PHC2: variants seen among roughly 807,000 people sequenced by gnomAD.
The protein encoded by PHC2 is polyhomeotic-like protein 2.
Under a neutral mutation model 87.4 loss-of-function variants are expected in PHC2, and 29 were observed. The ratio of observed to expected loss-of-function variants is 0.33; its 90% CI spans 0.25 to 0.45. The LOEUF is 0.45. Ranked by LOEUF, PHC2 falls within the 20% of genes least tolerant of loss-of-function variation. The pLI, the probability that PHC2 is intolerant of heterozygous loss-of-function variation, is 1.00. For synonymous variants in PHC2, 438 were observed against 461.7 expected (o/e 0.95, Z 0.66); for missense variants, 857 against 1,136.7 (o/e 0.75, Z 3.54).
At chr1:33,411,395 G>C (rs981464912) in intron 1 of PHC2, among the ~76,000 whole-genome samples, 4 of 150,808 alleles carry the variant, frequency 2.7e-5, no homozygotes, top group Non-Finnish European at 1.5e-5. Context: ...ACTACCTTAA[G>C]ATACTGCTAG....
At chr1:33,418,268 T>C in intron 1 of PHC2, among the ~76,000 whole-genome samples, 1 of 151,532 alleles carries the variant, frequency 6.6e-6, no homozygotes, top group Non-Finnish European at 1.5e-5. Flanking sequence ...GAGAGAAAAT[T>C]GATGAAATGA....
intron 1 of PHC2, among the ~76,000 whole-genome samples, chr1:33,388,972 T>C (rs1394665037): frequency 6.6e-6 from 1 of 151,856 alleles, no homozygotes; most frequent in Non-Finnish European, 1.5e-5. Flanking sequence ...CTTACAATTT[T>C]TGACTACACT....
At chr1:33,405,598 T>C (rs1294162498) in intron 1 of PHC2, among the ~76,000 whole-genome samples, 1 of 152,240 alleles carries the variant, frequency 6.6e-6, no homozygotes, top group African/African-American at 2.4e-5. Flanking sequence ...ATTTCTTTCC[T>C]TCTACCTTCT....
intron 1 of PHC2, among the ~76,000 whole-genome samples, chr1:33,400,175 T>A (rs896219363): frequency 1.3e-5 from 2 of 152,236 alleles, no homozygotes; most frequent in Non-Finnish European, 2.9e-5. Flanking sequence ...AATATACTTC[T>A]TATACAATTG....
intron 7 of PHC2, among the ~76,000 whole-genome samples, chr1:33,365,862 C>A (rs955357459): frequency 7.1e-6 from 1 of 140,174 alleles, no homozygotes; most frequent in African/African-American, 3.2e-5. Flanking sequence ...TGCCTGGGAA[C>A]CTTCCCCACT....
Position 33,368,548 on chromosome 1 carries a change from G to C in PHC2, c.651C>G (p.Pro217=), listed in dbSNP as rs773234689. ...ATGGAGTCCTCACCTGGGCGGGGGTGGGGGGCCGGGCGGGGGAGCCAGTGC... is the reference window on the plus strand; with the variant it reads ...ATGGAGTCCTCACCTGGGCGGGGGTCGGGGGCCGGGCGGGGGAGCCAGTGC... ...ELGTGSPARP[P]TPAQVQNLTL... is the part of the protein sequence containing the mutation. Residue 217 remains proline, a synonymous_variant, in exon 6 of 15, where the codon CCC becomes CCG. Transcript: ENST00000683057. The surrounding 1 kb of genome is among the most constrained non-coding windows in gnomAD (Gnocchi z 6.6). 8 of 1,532,930 alleles carry C rather than the reference G, an allele frequency of 5.2e-6. No homozygotes were observed. The Admixed American group carries it at 7.9e-5, about 15-fold the overall frequency. 95.0% of individuals were successfully genotyped at this position (1,532,930 alleles called of 1,614,324 possible). A position where few individuals can be genotyped will look rare whatever the true frequency, so the allele number is the denominator to read the frequency against.
chr1:33,386,214 C>T (rs929174726), intron 1 of PHC2, among the ~76,000 whole-genome samples: 3 of 151,730 alleles, frequency 2.0e-5, no homozygotes, highest in African/African-American at 7.3e-5. Context: ...ACGAAAAAGA[C>T]TGCTATAAAA....
In PHC2 at chr1:33,334,510, G is replaced by A. The variant is rs577328962; in HGVS notation, c.1559-218C>T. Among the ~76,000 whole-genome samples the A allele has an allele frequency of 6.6e-6, 1 of 152,218 alleles. No homozygotes were observed. The highest frequency in any genetic ancestry group is 2.4e-5 in the African/African-American group (1 of 41,448). On this transcript the variant is annotated intron_variant, in intron 9 of 14. Transcript: ENST00000683057. The surrounding 1 kb of genome is among the most constrained non-coding windows in gnomAD (Gnocchi z 5.5). ...TGAGTATAGTCAGTTCCACAACAAC[G>A]CATGCAGCTAATCAGCTAGCAGTGT...
At chr1:33,365,208 G>A (rs143491934) in intron 7 of PHC2, among the ~76,000 whole-genome samples, 29 of 152,256 alleles carry the variant, frequency 1.9e-4, no homozygotes, top group Admixed American at 6.5e-4. Flanking sequence ...GACAGCTACC[G>A]GACAGGGATC....
At chr1:33,338,295 A>C (rs925548444) in intron 9 of PHC2, among the ~76,000 whole-genome samples, 1 of 152,232 alleles carries the variant, frequency 6.6e-6, no homozygotes, top group African/African-American at 2.4e-5. Flanking sequence ...TTGTTTTTTA[A>C]AAAAGATCTT....
chr1:33,325,103 T>G, intron 14 of PHC2, 84 bp from the exon 15 acceptor site: 1 of 1,233,856 alleles, frequency 8.1e-7, no homozygotes, highest in South Asian at 1.5e-5. Flanking sequence ...TATCTAGATC[T>G]AGTTATCTGC....
At chr1:33,377,443 A>G (rs1648243235) in intron 1 of PHC2, among the ~76,000 whole-genome samples, 1 of 152,054 alleles carries the variant, frequency 6.6e-6, no homozygotes, top group South Asian at 2.1e-4. Context: ...TGGAAATTCT[A>G]CCTTCCCTTG....
At chr1:33,425,297 AT>A (rs1437291804) in intron 1 of PHC2, among the ~76,000 whole-genome samples, 1 of 152,232 alleles carries the variant, frequency 6.6e-6, no homozygotes, top group East Asian at 1.9e-4. Flanking sequence ...GTTTCTTTAC[AT>A]TTAACCTTCA....
chr1:33,370,679 T>C, intron 4 of PHC2, 94 bp from the exon 5 acceptor site: 1 of 1,287,854 alleles, frequency 7.8e-7, no homozygotes, highest in Admixed American at 2.2e-5. Context: ...CTTTTGCTCC[T>C]TGGTTTATTC....
intron 14 of PHC2, among the ~76,000 whole-genome samples, chr1:33,327,067 G>A (rs1211382917): frequency 1.3e-5 from 2 of 152,208 alleles, no homozygotes; most frequent in Admixed American, 6.5e-5. Context: ...AGAACTCAGA[G>A]GGCAGAACCA....
chr1:33,388,473 G>A (rs549943962), intron 1 of PHC2, among the ~76,000 whole-genome samples: 49 of 151,582 alleles, frequency 3.2e-4, no homozygotes, highest in Non-Finnish European at 6.5e-4. Flanking sequence ...ACAGGCATGC[G>A]CCACCACGCC....
In PHC2 at chr1:33,328,901, T is replaced by A; in HGVS notation, c.2394A>T (p.Glu798Asp). The A allele has an allele frequency of 6.2e-7, 1 of 1,613,190 alleles. No individual in the cohort carries two copies. The highest frequency in any genetic ancestry group is 8.5e-7 in the Non-Finnish European group (1 of 1,179,216). Residue 798 changes from glutamate (E) to aspartate (D), a missense_variant, in exon 14 of 15, where the codon GAA (glutamate) becomes GAT (aspartate). Around this residue, in one of 3 missense-constraint regions of PHC2, gnomAD observed 832 missense variants for 1,081.8 expected, o/e 0.77. Coordinates refer to ENST00000683057, the MANE Select transcript of PHC2 (RefSeq NM_001385109.1). The stretch of plus-strand genomic sequence containing the variant: ...GAGAGCGGATGAATTCGTAGACGTC[T>A]TCTACATTCCACTTGGTGGGCTCAC... ...LPSEPTKWNV[E>D]DVYEFIRSLP...
rs888122613 is a variant in PHC2, at chr1:33,344,770, A to AT, written c.1558+9630dup. Among the ~76,000 whole-genome samples the AT allele has an allele frequency of 3.5e-4, 52 of 148,260 alleles. 1 individual carries two copies. The highest frequency in any genetic ancestry group is 1.0e-3 in the African/African-American group (42 of 40,418). The stretch of plus-strand genomic sequence containing the variant: ...AGGCGTGTGCCACTATGCCCAGGTA[A>AT]TTTTTTTTTTTAATTATCTGTAGAG... On this transcript the variant is annotated intron_variant, in intron 9 of 14. Transcript: ENST00000683057.
chr1:33,344,030 G>A (rs1646798434), intron 9 of PHC2, among the ~76,000 whole-genome samples: 1 of 152,190 alleles, frequency 6.6e-6, no homozygotes. Flanking sequence ...AGCAGACAGT[G>A]CAGAAGAACC....
Sources: allele counts gnomAD v4.1 joint callset (sites outside exome capture counted in the v4.1 genomes callset), GRCh38; gene constraint gnomAD v4.1.1; regional missense constraint gnomAD v4.1.1; non-coding constraint Gnocchi (gnomAD v3.1); transcripts MANE v1.5; gene names NCBI Gene and HGNC (gene_info 2026-07-23, HGNC 2026-07-21).